The following RALYL variants were observed in gnomAD, a reference collection of about 807,000 sequenced individuals.
The protein encoded by RALYL is RALY RNA binding protein like.
In RALYL, 29 loss-of-function variants were observed where a neutral mutation model predicts 35.1. That is an observed-to-expected ratio of 0.83 (90% CI 0.61 to 1.13). The LOEUF is 1.13. Among genes scored for constraint, RALYL ranks in the 50% most tolerant of loss-of-function variants. The pLI, the probability that RALYL is intolerant of heterozygous loss-of-function variation, is 0.00. For synonymous variants in RALYL, 120 were observed against 127.6 expected (o/e 0.94, Z 0.40); for missense variants, 359 against 360.4 (o/e 1.00, Z 0.03).
At chr8:84,713,759 TATCTC>T (rs1280499636) in intron 2 of RALYL, among the ~76,000 whole-genome samples, 1 of 151,838 alleles carries the variant, frequency 6.6e-6, no homozygotes. Flanking sequence ...TAAAATTAAT[TATCTC>T]AAAGAGATAT....
At chr8:84,504,210 T>C (rs1049179167) in intron 1 of RALYL, among the ~76,000 whole-genome samples, 3 of 152,096 alleles carry the variant, frequency 2.0e-5, no homozygotes, top group African/African-American at 7.2e-5. Flanking sequence ...AGCAAATGGA[T>C]ACTAAAGAGA....
intron 3 of RALYL, among the ~76,000 whole-genome samples, chr8:84,790,204 G>T (rs1820452693): frequency 6.6e-6 from 1 of 152,186 alleles, no homozygotes; most frequent in South Asian, 2.1e-4. Flanking sequence ...AAGCTAGTCA[G>T]CTGGTCTTCA....
At chr8:84,582,092 C>T (rs1379041204) in intron 2 of RALYL, among the ~76,000 whole-genome samples, 1 of 152,064 alleles carries the variant, frequency 6.6e-6, no homozygotes, top group Non-Finnish European at 1.5e-5. Flanking sequence ...TATTTTCTTA[C>T]ATGTCTGATT....
intron 3 of RALYL, among the ~76,000 whole-genome samples, chr8:84,790,032 A>G (rs185875371): frequency 7.4e-4 from 112 of 152,344 alleles, no homozygotes; most frequent in Middle Eastern, 3.4e-3. Flanking sequence ...AAGAAAGACT[A>G]GTCTTAGGGG....
intron 2 of RALYL, among the ~76,000 whole-genome samples, chr8:84,736,120 A>C (rs1241803693): frequency 6.6e-6 from 1 of 152,128 alleles, no homozygotes; most frequent in Non-Finnish European, 1.5e-5. Context: ...ACGAACAAAG[A>C]ATTAGAATAA....
intron 1 of RALYL, among the ~76,000 whole-genome samples, chr8:84,460,962 A>G (rs559198969): frequency 9.9e-5 from 15 of 151,736 alleles, no homozygotes; most frequent in African/African-American, 3.4e-4. Context: ...TAGTAAAATG[A>G]TAAGAGAGTA....
At chr8:84,823,962 T>A (rs1323706839) in intron 4 of RALYL, among the ~76,000 whole-genome samples, 1 of 151,986 alleles carries the variant, frequency 6.6e-6, no homozygotes, top group Non-Finnish European at 1.5e-5. Flanking sequence ...ACAAGACAAG[T>A]ATGCCCACTC....
At chr8:84,413,110 A>C (rs892640839) in intron 1 of RALYL, among the ~76,000 whole-genome samples, 1 of 150,272 alleles carries the variant, frequency 6.7e-6, no homozygotes, top group Non-Finnish European at 1.5e-5. Context: ...CTAATTAAAA[A>C]CTATATAATT....
At chr8:84,606,033 A>G (rs1243222809) in intron 2 of RALYL, among the ~76,000 whole-genome samples, 1 of 151,622 alleles carries the variant, frequency 6.6e-6, no homozygotes, top group Admixed American at 6.6e-5. Flanking sequence ...CCCCATCCTA[A>G]CTCCTCCTCA....
At chr8:84,753,883 T>C (rs1008297410) in intron 2 of RALYL, among the ~76,000 whole-genome samples, 4 of 152,226 alleles carry the variant, frequency 2.6e-5, no homozygotes, top group Admixed American at 6.5e-5. Flanking sequence ...ATTTCTCTGA[T>C]GGCTAGTGAT....
rs375120171 is a variant in RALYL, at chr8:84,635,432, G to A, written c.256+105855G>A. Among the ~76,000 whole-genome samples the A allele has an allele frequency of 2.2e-4, 33 of 151,218 alleles. No individual in the cohort carries two copies. In the East Asian group the frequency reaches 4.5e-3, roughly 21 times the overall value. On this transcript the variant is annotated intron_variant, in intron 2 of 8. Transcript: ENST00000521268. ...TTTTTGCTTTCTGGATAAATTTATC[G>A]GAATATGGTAATGTGGACAAAAACC...
intron 2 of RALYL, among the ~76,000 whole-genome samples, chr8:84,697,961 C>T (rs1389955521): frequency 6.6e-6 from 1 of 152,070 alleles, no homozygotes; most frequent in Non-Finnish European, 1.5e-5. Flanking sequence ...GCCAAAATGA[C>T]AATAACTCCA....
At chr8:84,849,892 C>T (rs1835470351) in intron 4 of RALYL, 88 bp from the exon 5 acceptor site, 1 of 696,384 alleles carries the variant, frequency 1.4e-6, no homozygotes, top group Non-Finnish European at 2.3e-6. Context: ...TTAAAAGTAA[C>T]AAATTTTATG....
intron 6 of RALYL, among the ~76,000 whole-genome samples, chr8:84,863,716 G>T (rs1453806572): frequency 6.6e-6 from 1 of 152,166 alleles, no homozygotes; most frequent in African/African-American, 2.4e-5. Context: ...CAAAATGCAG[G>T]AAGGTACTGA....
intron 1 of RALYL, among the ~76,000 whole-genome samples, chr8:84,389,955 A>G (rs1440696472): frequency 6.6e-6 from 1 of 151,652 alleles, no homozygotes; most frequent in African/African-American, 2.4e-5. Flanking sequence ...GTTTTTGCCC[A>G]TTCAGTATGA....
At chr8:84,384,082 T>C (rs1858616440) in intron 1 of RALYL, among the ~76,000 whole-genome samples, 1 of 151,798 alleles carries the variant, frequency 6.6e-6, no homozygotes, top group Non-Finnish European at 1.5e-5. Context: ...TTTTCTTTAC[T>C]TATTCTCATT....
intron 1 of RALYL, among the ~76,000 whole-genome samples, chr8:84,410,456 T>C (rs2043988351): frequency 6.6e-6 from 1 of 151,974 alleles, no homozygotes; most frequent in Non-Finnish European, 1.5e-5. Context: ...TGTCATGTAT[T>C]AGACATAATA....
intron 2 of RALYL, among the ~76,000 whole-genome samples, chr8:84,575,605 G>A (rs1217577919): frequency 1.3e-5 from 2 of 152,134 alleles, no homozygotes; most frequent in African/African-American, 4.8e-5. Flanking sequence ...TTAATGCACA[G>A]GGGCATAAAT....
chr8:84,621,934 G>A (rs1195370934), intron 2 of RALYL, among the ~76,000 whole-genome samples: 1 of 152,028 alleles, frequency 6.6e-6, no homozygotes, highest in Non-Finnish European at 1.5e-5. Context: ...TGACTTTTTG[G>A]TAAGGCTTTT....
Sources: gnomAD v4.1 joint callset for allele counts (sites outside exome capture counted in the v4.1 genomes callset) on GRCh38, gnomAD v4.1.1 for gene constraint, MANE v1.5 for transcripts, NCBI Gene and HGNC (gene_info 2026-07-23, HGNC 2026-07-21) for gene names.